Variants in MYO7A observed in about 807,000 individuals in gnomAD.
MYO7A encodes myosin VIIA.
In MYO7A, 210 loss-of-function variants were observed where a neutral mutation model predicts 263.8. That is an observed-to-expected ratio of 0.80 (90% confidence interval 0.71 to 0.89). MYO7A has a LOEUF of 0.89. Ranked by LOEUF, MYO7A falls within the 40% of genes least tolerant of loss-of-function variation. MYO7A has a pLI of 0.00. For synonymous variants in MYO7A, 1,239 were observed against 1,197.3 expected, an observed-to-expected ratio of 1.03 and a Z score of -0.72; for missense variants, 2,820 against 2,968.3, an observed-to-expected ratio of 0.95 and a Z score of 1.16.
intron 14 of MYO7A, among the ~76,000 whole-genome samples, chr11:77,163,272 G>A (rs558798348): frequency 2.3e-4 from 35 of 151,606 alleles, no homozygotes; most frequent in East Asian, 3.9e-4. Context: ...CCCTACCCCC[G>A]GCCCCCTGTA....
chr11:77,173,830 G>C (rs1400083878), intron 16 of MYO7A, among the ~76,000 whole-genome samples: 1 of 152,080 alleles, frequency 6.6e-6, no homozygotes, highest in East Asian at 1.9e-4. Flanking sequence ...AGGTCTGCAG[G>C]GGCCTGAGGG....
chr11:77,208,052 C>T (rs574559685), intron 42 of MYO7A, among the ~76,000 whole-genome samples: 1 of 152,320 alleles, frequency 6.6e-6, no homozygotes, highest in East Asian at 1.9e-4. Context: ...CTGTGCCAGA[C>T]GCTGGGACCC....
In MYO7A at chr11:77,211,180, A is replaced by G. The variant is rs780698907; in HGVS notation, c.6080A>G (p.His2027Arg). Residue 2027 changes from histidine (H) to arginine (R), a missense_variant, in exon 45 of 49, where the codon CAC (histidine) becomes CGC (arginine). Transcript: ENST00000409709. Reference protein sequence around the residue: ...QELPKYLRGYHKCTREEVLQL... With the variant: ...QELPKYLRGYRKCTREEVLQL... ...TTGCCCAAGTATCTCCGAGGCTACC[A>G]CAAGTGCACGCGGGAGGAGGTGCTG... 3.1e-6 allele frequency: 5 copies of G among 1,591,142 alleles called. No homozygotes were observed. In the Admixed American group the frequency reaches 8.8e-5, roughly 28 times the overall value.
chr11:77,157,483 G>C, intron 8 of MYO7A, 91 bp downstream of exon 8: 1 of 842,482 alleles, frequency 1.2e-6, no homozygotes, highest in Non-Finnish European at 1.9e-6. Flanking sequence ...AGGTCTCACT[G>C]GTCACAGGGC....
chr11:77,200,426 A>C (rs150493345), intron 35 of MYO7A, among the ~76,000 whole-genome samples: 9 of 152,336 alleles, frequency 5.9e-5, no homozygotes, highest in Admixed American at 3.3e-4. Flanking sequence ...CTTTTTAAAC[A>C]ATCAGTTCTC....
chr11:77,182,635 C>A, intron 25 of MYO7A, 35 bp downstream of exon 25: 1 of 1,609,566 alleles, frequency 6.2e-7, no homozygotes, highest in Non-Finnish European at 8.5e-7. Flanking sequence ...GATGTCCCTC[C>A]CAGGCCGACA....
Position 77,199,686 on chromosome 11 carries a change from A to G in MYO7A, c.4720A>G (p.Thr1574Ala). The change falls in exon 35 of 49, where the codon ACC (threonine) becomes GCC (alanine). Residue 1574 changes from threonine (T) to alanine (A), a missense_variant. Transcript: ENST00000409709. ...KTTAPSFTLATIKGDEYTFTS... is the reference protein window; with the variant it reads ...KTTAPSFTLAAIKGDEYTFTS... ...GACGGCCCCCAGCTTCACGCTGGCC[A>G]CCATCAAGGGGGACGAATACACCTT... The G allele has an allele frequency of 6.2e-7, 1 of 1,613,552 alleles. No individual in the cohort carries two copies. Among genetic ancestry groups the G allele is most frequent in the South Asian group, 1.1e-5 (1 of 91,008 alleles).
At chr11:77,184,546 C>A in intron 26 of MYO7A, 42 bp from the exon 27 acceptor site, 2 of 1,517,230 alleles carry the variant, frequency 1.3e-6, no homozygotes, top group Non-Finnish European at 1.8e-6. Context: ...GGCAGGGGAA[C>A]ACCCCTAACT....
rs1555087275 is a variant in MYO7A at position 77,184,691 on chromosome 11, A to G, written c.3479A>G (p.Asn1160Ser). The G allele has an allele frequency of 4.4e-6, 7 of 1,600,082 alleles. No homozygotes were observed. Among genetic ancestry groups the G allele is most frequent in the Middle Eastern group, 1.6e-4 (1 of 6,076 alleles). Residue 1160 changes from asparagine (N) to serine (S), a missense_variant, in exon 27 of 49, where the codon AAT (asparagine) becomes AGT (serine). Physicochemically the swap from Asn to Ser is conservative, Grantham distance 46. Transcript: ENST00000409709. ...GAGAAGCTGCACTTCATCATCGGCA[A>G]TGGCATCCTGCGGCCAGCACTCCGG... ...NLEKLHFIIG[N>S]GILRPALRDE...
Position 77,184,724 on chromosome 11 carries a change from CGGGA to C in MYO7A, c.3503+12_3503+15del. On this transcript the variant is annotated intron_variant, in intron 27 of 48. Coordinates refer to ENST00000409709, the MANE Select transcript of MYO7A (RefSeq NM_000260.4). Reference sequence around the variant, plus strand: ...CTGCGGCCAGCACTCCGGTCAGTGCCGGGAGGCGGGGACACCAGGGCCTGAAAGT... The same window carrying C: ...CTGCGGCCAGCACTCCGGTCAGTGCCGGCGGGGACACCAGGGCCTGAAAGT... The C allele has an allele frequency of 6.4e-7, 1 of 1,553,964 alleles. No homozygotes were observed. The highest frequency in any genetic ancestry group is 8.7e-7 in the Non-Finnish European group (1 of 1,147,790).
At chr11:77,140,296 C>T (rs764065513) in intron 2 of MYO7A, among the ~76,000 whole-genome samples, 9 of 152,106 alleles carry the variant, frequency 5.9e-5, no homozygotes, top group East Asian at 1.9e-4. Context: ...GCCATCTGGG[C>T]GGGGGAGGAC....
intron 39 of MYO7A, 105 bp from the exon 40 acceptor site, chr11:77,205,357 G>GTGA: frequency 7.5e-7 from 1 of 1,332,842 alleles, no homozygotes; most frequent in East Asian, 2.5e-5. Flanking sequence ...CGGTGCTGCT[G>GTGA]TGATGAGCAG....
chr11:77,179,540 T>C (rs1954983118), intron 20 of MYO7A, among the ~76,000 whole-genome samples, 195 bp from the exon 21 acceptor site: 1 of 152,140 alleles, frequency 6.6e-6, no homozygotes, highest in Non-Finnish European at 1.5e-5. Context: ...AGAGTCAAGG[T>C]CACCTAAAAA....
chr11:77,160,497 C>T (rs1481526130), intron 11 of MYO7A, among the ~76,000 whole-genome samples: 1 of 152,198 alleles, frequency 6.6e-6, no homozygotes, highest in Non-Finnish European at 1.5e-5. Context: ...GGCTTTTGGC[C>T]TGCTTTGGTC....
chr11:77,195,074 T>C (rs2135627093), intron 32 of MYO7A, among the ~76,000 whole-genome samples: 1 of 152,176 alleles, frequency 6.6e-6, no homozygotes, highest in South Asian at 2.1e-4. Flanking sequence ...CTCATCTCCA[T>C]GGCCCTGGCT....
Position 77,211,110 on chromosome 11 carries a change from G to T in MYO7A, c.6052-42G>T, listed in dbSNP as rs774701575. The T allele has an allele frequency of 2.0e-6, 3 of 1,493,782 alleles. No homozygotes were observed. In the Admixed American group the frequency reaches 6.2e-5, roughly 31 times the overall value. The allele number at this position is 1,493,782 out of a possible 1,614,324, so 92.5% of individuals were successfully genotyped here. A position where few individuals can be genotyped will look rare whatever the true frequency, so the allele number is the denominator to read the frequency against. On this transcript the variant is annotated intron_variant, in intron 44 of 48. Coordinates refer to ENST00000409709, the MANE Select transcript of MYO7A (RefSeq NM_000260.4). ...TGTGGTGGGAAAGGAGCCCACTTCT[G>T]CCAGGTCCCTGCACGCCTGTGACCT...
rs772912412 is a variant in MYO7A at position 77,211,827 on chromosome 11, G to A, written c.6244G>A (p.Val2082Ile). 2.4e-5 allele frequency: 39 copies of A among 1,613,512 alleles called. No homozygotes were observed. The highest frequency in any genetic ancestry group is 3.1e-5 in the Non-Finnish European group (37 of 1,179,618). Residue 2082 changes from valine (V) to isoleucine (I), a missense_variant, in exon 46 of 49, where the codon GTC becomes ATC. Physicochemically the swap from Val to Ile is conservative, Grantham distance 29. Coordinates refer to ENST00000409709, the MANE Select transcript of MYO7A (RefSeq NM_000260.4). ...GACCGCCCTGTCCCCATAGTCCATCGTCGCCTACTTCAACAAGCACGCAGG... is the reference window on the plus strand; with the variant it reads ...GACCGCCCTGTCCCCATAGTCCATCATCGCCTACTTCAACAAGCACGCAGG... ...VSPDDWKRSIVAYFNKHAGKS... is the reference protein window; with the variant it reads ...VSPDDWKRSIIAYFNKHAGKS...
At position 77,184,639 on chromosome 11, in the gene MYO7A, C is replaced by G. The variant is rs374577373; in HGVS notation, c.3427C>G (p.Leu1143Val). 11 of 1,583,500 alleles carry G rather than the reference C, an allele frequency of 6.9e-6. No individual in the cohort carries two copies. The highest frequency in any genetic ancestry group is 9.4e-6 in the Non-Finnish European group (11 of 1,164,388). Residue 1143 changes from leucine to valine, a missense_variant, in exon 27 of 49, where the codon CTG becomes GTG. By Grantham distance (32) the Leu-to-Val change is conservative (BLOSUM62 1). Coordinates refer to ENST00000409709, the MANE Select transcript of MYO7A (RefSeq NM_000260.4). ...GESTVQGNSM[L>V]EDRPTSNLEK... ...GTCCACAGTGCAGGGCAACAGCATGCTGGAGGACCGGCCCACCTCCAACCT... is the reference window on the plus strand; with the variant it reads ...GTCCACAGTGCAGGGCAACAGCATGGTGGAGGACCGGCCCACCTCCAACCT...
intron 33 of MYO7A, among the ~76,000 whole-genome samples, chr11:77,198,123 G>A (rs778826810): frequency 2.6e-5 from 4 of 152,202 alleles, no homozygotes; most frequent in Non-Finnish European, 5.9e-5. Flanking sequence ...ATCGTTACTG[G>A]GCACCTGCTG....
Sources: gnomAD v4.1 joint callset for allele counts (sites outside exome capture counted in the v4.1 genomes callset) on GRCh38, gnomAD v4.1.1 for gene constraint, MANE v1.5 for transcripts, NCBI Gene and HGNC (gene_info 2026-07-23, HGNC 2026-07-21) for gene names.